ARHGAP8: variants seen among roughly 807,000 people sequenced by gnomAD.
ARHGAP8 encodes Rho GTPase activating protein 8.
In ARHGAP8, 62 loss-of-function variants were observed where a neutral mutation model predicts 46.1. The ratio of observed to expected loss-of-function variants is 1.34; its 90% CI spans 1.10 to 1.66. The LOEUF is 1.66. Ranked by LOEUF, ARHGAP8 falls within the 40% of genes most tolerant of loss-of-function variation. ARHGAP8 has a pLI of 0.00. For synonymous variants in ARHGAP8, 375 were observed against 243.1 expected, an observed-to-expected ratio of 1.54 and a Z score of -5.05; for missense variants, 923 against 568.4, an observed-to-expected ratio of 1.62 and a Z score of -6.34.
rs141313257 is a variant in ARHGAP8 at position 44,859,969 on chromosome 22, C to T, written c.981+135C>T. Reference sequence around the variant, plus strand: ...TTGGGCCTCGGAATACCACTCCCTGCCCCCCAAGGACCTCATCCAAGGCCT... The same window carrying T: ...TTGGGCCTCGGAATACCACTCCCTGTCCCCCAAGGACCTCATCCAAGGCCT... On this transcript the variant is annotated intron_variant, in intron 11 of 11. Transcript: ENST00000356099. The T allele has an allele frequency of 1.5e-4, 164 of 1,063,634 alleles. No individual in the cohort carries two copies. In the East Asian group the frequency reaches 2.3e-3, roughly 15 times the overall value. 65.9% of individuals were successfully genotyped at this position (1,063,634 alleles called of 1,614,324 possible).
chr22:44,786,436 C>G, intron 1 of ARHGAP8, 21 bp from the exon 2 acceptor site: 2 of 1,561,328 alleles, frequency 1.3e-6, no homozygotes, highest in South Asian at 2.3e-5. Flanking sequence ...CACTGACTTC[C>G]TTTAATCTTC....
rs113499802 is a variant in ARHGAP8, at chr22:44,834,384, A to T, written c.596+8791A>T. 5.5e-3 allele frequency among the ~76,000 whole-genome samples: 830 copies of T among 151,850 alleles called. 11 individuals carry two copies. The highest frequency in any genetic ancestry group is 0.019 in the African/African-American group (791 of 41,448). On this transcript the variant is annotated intron_variant, in intron 7 of 11. Transcript: ENST00000356099. ...ATTTATCTTGTAATTTTTTTCTTTG[A>T]TTCATTGATTTCTAGGAGTCTGTTG...
chr22:44,859,928 T>C (rs553653002), intron 11 of ARHGAP8, 94 bp downstream of exon 11: 3 of 1,436,560 alleles, frequency 2.1e-6, no homozygotes, highest in Admixed American at 4.1e-5. Flanking sequence ...GCCCTGGGTC[T>C]GGGGTCATGC....
chr22:44,859,606 G>C (rs879525470), intron 10 of ARHGAP8, 125 bp from the exon 11 acceptor site: 2 of 1,040,622 alleles, frequency 1.9e-6, no homozygotes, highest in African/African-American at 3.2e-5. Context: ...GGGGTCCCAA[G>C]CCCAAATGTG....
rs559872121 is a variant in ARHGAP8 at position 44,754,081 on chromosome 22, A to G, written c.-72+1454A>G. 2.6e-5 allele frequency among the ~76,000 whole-genome samples: 4 copies of G among 152,300 alleles called. 1 individual carries two copies. The East Asian group carries it at 7.7e-4, about 29-fold the overall frequency. ...GCCCAGCTGATTCTTGTGGACAGCC[A>G]GCTGCCTGGTCCCTGCCCTCAGGGG... is the stretch of plus-strand genomic sequence containing the variant. On this transcript the variant is annotated intron_variant, in intron 1 of 11. Coordinates refer to ENST00000356099, the MANE Select transcript of ARHGAP8 (RefSeq NM_181335.3).
intron 5 of ARHGAP8, among the ~76,000 whole-genome samples, chr22:44,820,403 C>T (rs1433389220): frequency 6.6e-6 from 1 of 152,208 alleles, no homozygotes; most frequent in African/African-American, 2.4e-5. Context: ...AGGGGCAAGA[C>T]TCCCTTTGCC....
At chr22:44,845,159 G>A in intron 7 of ARHGAP8, 110 bp from the exon 8 acceptor site, 1 of 1,344,562 alleles carries the variant, frequency 7.4e-7, no homozygotes, top group East Asian at 2.4e-5. Flanking sequence ...CCTGGACAGT[G>A]CCTGGGTCCT....
intron 1 of ARHGAP8, among the ~76,000 whole-genome samples, chr22:44,771,515 G>A (rs919722408): frequency 2.0e-5 from 3 of 149,530 alleles, no homozygotes; most frequent in African/African-American, 7.4e-5. Flanking sequence ...CCAAAGTGCT[G>A]GGATTACAGG....
intron 5 of ARHGAP8, among the ~76,000 whole-genome samples, chr22:44,817,177 A>G (rs977437316): frequency 2.0e-5 from 3 of 152,138 alleles, no homozygotes; most frequent in Non-Finnish European, 2.9e-5. Context: ...GTGAGCCACC[A>G]TGCCCGGCCT....
Position 44,862,473 on chromosome 22 carries a change from CCATGGGAA to C in ARHGAP8, c.1183_1190del (p.Trp395GlyfsTer77), listed in dbSNP as rs759045453. The C allele has an allele frequency of 1.1e-5, 18 of 1,613,864 alleles. No individual in the cohort carries two copies. The highest frequency in any genetic ancestry group is 1.4e-5 in the Non-Finnish European group (16 of 1,179,964). ...GGCACCTGGGGAGCACGGCCTGGCACCATGGGAACAGGGGAGCAGGGCAGCCCCTTTGC... is the reference window on the plus strand; with the variant it reads ...GGCACCTGGGGAGCACGGCCTGGCACCAGGGGAGCAGGGCAGCCCCTTTGC... On this transcript the variant is annotated frameshift_variant, in exon 12 of 12. Coordinates refer to ENST00000356099, the MANE Select transcript of ARHGAP8 (RefSeq NM_181335.3). LOFTEE classifies it low-confidence loss of function (END_TRUNC).
chr22:44,756,275 C>A (rs1285686715), intron 1 of ARHGAP8, among the ~76,000 whole-genome samples: 2 of 151,956 alleles, frequency 1.3e-5, no homozygotes, highest in Admixed American at 6.6e-5. Flanking sequence ...TCAGACGGGG[C>A]AGTGGGTTTT....
chr22:44,836,199 C>T (rs545483120), intron 7 of ARHGAP8, among the ~76,000 whole-genome samples: 1 of 152,248 alleles, frequency 6.6e-6, no homozygotes, highest in South Asian at 2.1e-4. Context: ...CAAATCACAA[C>T]TCTAAATGCA....
In ARHGAP8 at chr22:44,786,176, G is replaced by A. The variant is rs1430006029; in HGVS notation, c.-71-281G>A. 13 of 546,988 alleles carry A rather than the reference G, an allele frequency of 2.4e-5. No individual in the cohort carries two copies. In the African/African-American group the frequency reaches 2.5e-4, roughly 10 times the overall value. 33.9% of individuals were successfully genotyped at this position (546,988 alleles called of 1,614,324 possible). ...TCGGCTGATGTCGAGTGCATAATGG[G>A]TGCTCGGCTGAGGTAGGGCGTATAG... On this transcript the variant is annotated intron_variant, in intron 1 of 11. Transcript: ENST00000356099.
rs1452719664 is a variant in ARHGAP8 at position 44,845,296 on chromosome 22, C to T, written c.624C>T (p.Leu208=). 5.0e-6 allele frequency: 8 copies of T among 1,614,092 alleles called. No individual in the cohort carries two copies. Among genetic ancestry groups the T allele is most frequent in the South Asian group, 1.1e-5 (1 of 91,082 alleles). Residue 208 remains leucine (L), a synonymous_variant, in exon 8 of 12, where the codon CTC becomes CTT. Coordinates refer to ENST00000356099, the MANE Select transcript of ARHGAP8 (RefSeq NM_181335.3). ...TCAAAGACAAAAATCAAGGCGAACT[C>T]ATCCCCCCTGTGCTGAGGTTCACAG... ...QYLKDKNQGE[L]IPPVLRFTVT...
intron 7 of ARHGAP8, among the ~76,000 whole-genome samples, chr22:44,843,699 C>T (rs1001423437): frequency 1.3e-5 from 2 of 151,986 alleles, no homozygotes; most frequent in Admixed American, 6.6e-5. Context: ...GTGGCACATG[C>T]CTGTAGCCCC....
chr22:44,802,586 G>T (rs1928635249), intron 3 of ARHGAP8, among the ~76,000 whole-genome samples: 1 of 152,172 alleles, frequency 6.6e-6, no homozygotes, highest in Non-Finnish European at 1.5e-5. Context: ...TCCTGTAGTG[G>T]CCATAACAAA....
chr22:44,805,522 G>T (rs1194605016), intron 3 of ARHGAP8, among the ~76,000 whole-genome samples: 1 of 152,188 alleles, frequency 6.6e-6, no homozygotes, highest in South Asian at 2.1e-4. Flanking sequence ...TCTTTTATGT[G>T]CTTATCCAAG....
In ARHGAP8 at chr22:44,861,144, GTTTT is replaced by G. The variant is rs888619310; in HGVS notation, c.982-1127_982-1124del. Among the ~76,000 whole-genome samples, 17 of 152,082 alleles carry G rather than the reference GTTTT, an allele frequency of 1.1e-4. No homozygotes were observed. The South Asian group carries it at 3.5e-3, about 32-fold the overall frequency. On this transcript the variant is annotated intron_variant, in intron 11 of 11. Coordinates refer to ENST00000356099, the MANE Select transcript of ARHGAP8 (RefSeq NM_181335.3). Reference sequence around the variant, plus strand: ...GAACCACCATGCCCGGCTAATTTTTGTTTTTTTAGTAGAGATGGGGTTTCGTCAC... The same window carrying G: ...GAACCACCATGCCCGGCTAATTTTTGTTTAGTAGAGATGGGGTTTCGTCAC...
intron 11 of ARHGAP8, among the ~76,000 whole-genome samples, chr22:44,860,968 A>C (rs1273968413): frequency 1.3e-5 from 2 of 149,880 alleles, no homozygotes; most frequent in African/African-American, 4.9e-5. Context: ...GTTGCTTGAC[A>C]TAATTTCTCA....
Sources: gnomAD v4.1 joint callset for allele counts (sites outside exome capture counted in the v4.1 genomes callset) on GRCh38, gnomAD v4.1.1 for gene constraint, MANE v1.5 for transcripts, NCBI Gene and HGNC (gene_info 2026-07-23, HGNC 2026-07-21) for gene names.